TAAR5: variants seen among roughly 807,000 people sequenced by gnomAD.
The protein encoded by TAAR5 is trace amine-associated receptor 5.
Under a neutral mutation model 21.1 loss-of-function variants are expected in TAAR5, and 27 were observed. The ratio of observed to expected loss-of-function variants is 1.28; its 90% confidence interval spans 0.94 to 1.76. TAAR5 has a LOEUF of 1.76. TAAR5 is among the 40% of genes most tolerant of loss of function. TAAR5 has a pLI of 0.00. For missense variants in TAAR5, 495 were observed against 405.6 expected, an observed-to-expected ratio of 1.22 and a Z score of -1.89; for synonymous variants, 203 against 167.5, an observed-to-expected ratio of 1.21 and a Z score of -1.64.
chr6:132,593,293 G>A (rs1776932101), upstream of TAAR5, among the ~76,000 whole-genome samples: 1 of 152,158 alleles, frequency 6.6e-6, no homozygotes, highest in Non-Finnish European at 1.5e-5. Flanking sequence ...GTGTAACTGA[G>A]TGGCTATGGT....
the TAAR5 span, chr6:132,595,039 T>C: frequency 1.3e-5 from 2 of 152,184 alleles, no homozygotes; most frequent in African/African-American, 4.8e-5. Flanking sequence ...TCAAACAGCA[T>C]CGTAACGGTC....
chr6:132,599,739 C>T, the TAAR5 span, among the ~76,000 whole-genome samples: 2,953 of 152,204 alleles, frequency 0.019, 42 homozygotes, highest in Middle Eastern at 0.058. Flanking sequence ...TAAATGCCTT[C>T]GTGAATGGGG....
the TAAR5 span, among the ~76,000 whole-genome samples, chr6:132,607,945 T>C: frequency 0.54 from 82,825 of 152,022 alleles, 23,363 homozygotes; most frequent in African/African-American, 0.7. Context: ...ATCTCATGTA[T>C]GTAAATCTAG....
the TAAR5 span, chr6:132,595,254 G>A: frequency 0.14 from 22,096 of 153,460 alleles, 2,142 homozygotes; most frequent in African/African-American, 0.27. Flanking sequence ...GGAGCTGCTT[G>A]AAGTGAGCGA....
upstream of TAAR5, among the ~76,000 whole-genome samples, chr6:132,593,167 T>C (rs1246998168): frequency 6.6e-6 from 1 of 152,152 alleles, no homozygotes; most frequent in Non-Finnish European, 1.5e-5. Context: ...GATGCTACAG[T>C]CTTTGGTCAA....
upstream of TAAR5, among the ~76,000 whole-genome samples, chr6:132,589,999 T>C (rs1395401241): frequency 6.6e-6 from 1 of 152,194 alleles, no homozygotes; most frequent in Non-Finnish European, 1.5e-5. Context: ...AAAAGAAGGA[T>C]GTAAGCTGAA....
the TAAR5 span, among the ~76,000 whole-genome samples, chr6:132,614,297 A>T: frequency 6.6e-6 from 1 of 152,240 alleles, no homozygotes; most frequent in Non-Finnish European, 1.5e-5. Flanking sequence ...CATGTCTCGC[A>T]TAGTTCTTGT....
the TAAR5 span, among the ~76,000 whole-genome samples, chr6:132,615,146 C>T: frequency 1.3e-5 from 2 of 151,996 alleles, no homozygotes; most frequent in Admixed American, 6.6e-5. Context: ...ACAGGCATCT[C>T]TGTGTGTTTT....
At chr6:132,600,794 AGGGGAGGAAG>A in the TAAR5 span, among the ~76,000 whole-genome samples, 2 of 133,836 alleles carry the variant, frequency 1.5e-5, no homozygotes, top group South Asian at 2.8e-4. Flanking sequence ...GGAGGGAAGG[AGGGGAGGAAG>A]GAAGGAAGGA....
chr6:132,606,459 C>T, the TAAR5 span, among the ~76,000 whole-genome samples: 1 of 152,066 alleles, frequency 6.6e-6, no homozygotes, highest in Non-Finnish European at 1.5e-5. Flanking sequence ...TGTCTACTGT[C>T]CTATGAGACT....
chr6:132,613,214 C>A, the TAAR5 span, among the ~76,000 whole-genome samples: 3,793 of 152,280 alleles, frequency 0.025, 168 homozygotes, highest in African/African-American at 0.087. Context: ...ATGAGGCTCA[C>A]AATAACCAGC....
At chr6:132,598,683 T>C in the TAAR5 span, among the ~76,000 whole-genome samples, 1 of 152,324 alleles carries the variant, frequency 6.6e-6, no homozygotes, top group Non-Finnish European at 1.5e-5. Flanking sequence ...GTGTGTCTTT[T>C]CACAACCTTC....
the TAAR5 span, among the ~76,000 whole-genome samples, chr6:132,612,961 G>T: frequency 6.6e-6 from 1 of 152,106 alleles, no homozygotes; most frequent in African/African-American, 2.4e-5. Context: ...CCTCACATGG[G>T]TCTTACATAT....
chr6:132,603,453 G>A, the TAAR5 span, among the ~76,000 whole-genome samples: 6 of 150,298 alleles, frequency 4.0e-5, no homozygotes, highest in African/African-American at 1.5e-4. Flanking sequence ...ATGTGCATTT[G>A]CAGGAATGTA....
At chr6:132,611,405 T>C in the TAAR5 span, among the ~76,000 whole-genome samples, 1 of 152,086 alleles carries the variant, frequency 6.6e-6, no homozygotes, top group Admixed American at 6.6e-5. Context: ...AATAACTTAT[T>C]GTATATTTTA....
At chr6:132,613,449 T>C in the TAAR5 span, among the ~76,000 whole-genome samples, 1 of 152,180 alleles carries the variant, frequency 6.6e-6, no homozygotes, top group Non-Finnish European at 1.5e-5. Flanking sequence ...TTTTATGTTA[T>C]CTATTATGTT....
the TAAR5 span, among the ~76,000 whole-genome samples, chr6:132,612,878 A>G: frequency 6.6e-6 from 1 of 152,172 alleles, no homozygotes; most frequent in Non-Finnish European, 1.5e-5. Context: ...GCAGTTAATG[A>G]TTACACAGGG....
At chr6:132,601,026 A>AAGGAAGGG in the TAAR5 span, among the ~76,000 whole-genome samples, 22 of 54,428 alleles carry the variant, frequency 4.0e-4, 1 homozygote, top group African/African-American at 3.0e-3. Flanking sequence ...GGGGGGAAGG[A>AAGGAAGGG]GGGAAGGAGG....
At position 132,588,680 on chromosome 6, in the gene TAAR5, T is replaced by A; in HGVS notation, c.1007A>T (p.Gln336Leu). The change falls in exon 1 of 1, where the codon CAA becomes CTA. Residue 336 changes from glutamine (Q) to leucine (L), a missense_variant. Gln to Leu is a moderately radical substitution (Grantham distance 113). Coordinates refer to ENST00000258034, the MANE Select transcript of TAAR5 (RefSeq NM_003967.3). ...TGCATTTAGTAGAAGGAATCATTCT[T>A]GGTACAAATCAACAGTGCGTGTCTG... The part of the protein sequence containing the change: ...SPQTRTVDLY[Q>L]E 1.9e-6 allele frequency: 3 copies of A among 1,610,220 alleles called. No individual in the cohort carries two copies. The highest frequency in any genetic ancestry group is 8.5e-7 in the Non-Finnish European group (1 of 1,177,712).
Sources: allele counts gnomAD v4.1 joint callset (sites outside exome capture counted in the v4.1 genomes callset), GRCh38; gene constraint gnomAD v4.1.1; transcripts MANE v1.5; gene names NCBI Gene and HGNC (gene_info 2026-07-23, HGNC 2026-07-21).